The following FAM161B variants were observed in gnomAD, a reference collection of about 807,000 sequenced individuals.
FAM161B encodes the protein FAM161 centrosomal protein B, also known as protein FAM161B.
In FAM161B, 46 loss-of-function variants were observed where a neutral mutation model predicts 61.5. The observed-to-expected ratio is 0.75, with a 90% confidence interval of 0.59 to 0.96. The LOEUF is 0.96. Ranked by LOEUF, FAM161B falls within the 40% of genes least tolerant of loss-of-function variation. The pLI is 0.00. For missense variants in FAM161B, 774 were observed against 800.7 expected (o/e 0.97, Z 0.40); for synonymous variants, 284 against 302.7 (o/e 0.94, Z 0.64).
At chr14:73,925,340 G>T in the FAM161B span, among the ~76,000 whole-genome samples, 2 of 151,900 alleles carry the variant, frequency 1.3e-5, no homozygotes, top group Non-Finnish European at 2.9e-5. Flanking sequence ...GAAATTTTCA[G>T]AGTACAGTGA....
At position 73,946,546 on chromosome 14, in the gene FAM161B, C is replaced by A. The variant is rs767058822; in HGVS notation, c.114G>T (p.Gly38=). The part of the protein sequence containing the change: ...TEAGEELSGD[G]LVLPRASKLD... ...GTTTGCTGGCCCTGGGCAAAACCAG[C>A]CCATCCCCGGACAGCTCCTCTCCTG... Residue 38 remains glycine, a synonymous_variant, in exon 2 of 9, where the codon GGG becomes GGT. Coordinates refer to ENST00000286544, the MANE Select transcript of FAM161B (RefSeq NM_152445.3). The A allele has an allele frequency of 6.2e-7, 1 of 1,614,174 alleles. No individual in the cohort carries two copies. Among genetic ancestry groups the A allele is most frequent in the South Asian group, 1.1e-5 (1 of 91,084 alleles).
downstream of FAM161B, chr14:73,931,974 A>G: frequency 2.2e-6 from 1 of 456,716 alleles, no homozygotes; most frequent in Non-Finnish European, 4.4e-6. Context: ...TGAGTTTTCA[A>G]GATGCCTTGT....
chr14:73,936,935 AC>A (rs1394268119), intron 7 of FAM161B, among the ~76,000 whole-genome samples: 1 of 152,200 alleles, frequency 6.6e-6, no homozygotes, highest in Non-Finnish European at 1.5e-5. Flanking sequence ...TTACATCCTT[AC>A]GGAGATCTCA....
At chr14:73,930,813 T>G (rs2055900948), downstream of FAM161B, among the ~76,000 whole-genome samples, 1 of 151,756 alleles carries the variant, frequency 6.6e-6, no homozygotes, top group African/African-American at 2.4e-5. Context: ...GTTGCCCAAG[T>G]GGGTCTCAAA....
intron 5 of FAM161B, among the ~76,000 whole-genome samples, chr14:73,938,530 T>C (rs568909253): frequency 9.9e-5 from 15 of 151,982 alleles, no homozygotes; most frequent in African/African-American, 3.1e-4. Context: ...CCCAGCACTT[T>C]GGGAGGCCGA....
In FAM161B at chr14:73,946,393, A is replaced by C. The variant is rs200939257; in HGVS notation, c.267T>G (p.Ser89=). The change falls in exon 2 of 9, where the codon TCT becomes TCG. Residue 89 remains serine (S), a synonymous_variant. Transcript: ENST00000286544. ...AGAGGTTTTCATCACTCTCTGGGTC[A>C]GACTGAAAGAGAGACTCCAACAGAC... ...RWCLLESLFQ[S]DPESDENLSE... is the part of the protein sequence containing the mutation. 1 of 1,614,184 alleles carries C rather than the reference A, an allele frequency of 6.2e-7. No homozygotes were observed. Among genetic ancestry groups the C allele is most frequent in the Non-Finnish European group, 8.5e-7 (1 of 1,180,030 alleles).
At chr14:73,924,303 G>T in the FAM161B span, among the ~76,000 whole-genome samples, 2 of 152,168 alleles carry the variant, frequency 1.3e-5, no homozygotes. Context: ...GATCTGACAG[G>T]AGAGGTGGAG....
chr14:73,938,800 A>T (rs1439781717), intron 5 of FAM161B, among the ~76,000 whole-genome samples: 1 of 152,116 alleles, frequency 6.6e-6, no homozygotes, highest in Admixed American at 6.6e-5. Flanking sequence ...AATAAATAAA[A>T]TAAAGCAATC....
chr14:73,924,711 C>G, the FAM161B span: 2 of 445,178 alleles, frequency 4.5e-6, no homozygotes, highest in Non-Finnish European at 8.9e-6. Flanking sequence ...GAGTCTCGCT[C>G]CGTTGCCCAG....
Position 73,944,877 on chromosome 14 carries a change from G to A in FAM161B, c.383C>T (p.Ser128Phe), listed in dbSNP as rs768918537. 89 of 1,512,952 alleles carry A rather than the reference G, an allele frequency of 5.9e-5. No homozygotes were observed. Among genetic ancestry groups the A allele is most frequent in the Non-Finnish European group, 7.0e-5 (79 of 1,132,272 alleles). The allele number at this position is 1,512,952 out of a possible 1,614,324, so 93.7% of individuals were successfully genotyped here. Residue 128 changes from serine to phenylalanine, a missense_variant, in exon 3 of 9, where the codon TCC becomes TTC. By Grantham distance (155) the Ser-to-Phe change is radical. Transcript: ENST00000286544. Reference sequence around the variant, plus strand: ...GTTCAGGGAGCTGCAGCGCCTTGTGGAGCCACACCTGGGAAAAAAGCAGAT... The same window carrying A: ...GTTCAGGGAGCTGCAGCGCCTTGTGAAGCCACACCTGGGAAAAAAGCAGAT... Reference protein sequence around the residue: ...VQCPQALRCGSTRRCSSLNNL... With the variant: ...VQCPQALRCGFTRRCSSLNNL...
At chr14:73,941,894 T>G (rs569581193) in intron 4 of FAM161B, among the ~76,000 whole-genome samples, 1 of 152,256 alleles carries the variant, frequency 6.6e-6, no homozygotes, top group South Asian at 2.1e-4. Flanking sequence ...TTAGTAGAGA[T>G]GGGGTTTTGC....
At chr14:73,928,610 C>T (rs1044824314), downstream of FAM161B, among the ~76,000 whole-genome samples, 25 of 152,080 alleles carry the variant, frequency 1.6e-4, no homozygotes, top group African/African-American at 6.0e-4. Flanking sequence ...AGGTGCTGCC[C>T]ACTTACAGCC....
chr14:73,931,685 G>A (rs1379584954), downstream of FAM161B: 2 of 716,508 alleles, frequency 2.8e-6, no homozygotes, highest in Non-Finnish European at 4.8e-6. Flanking sequence ...CTCTTTCCTG[G>A]TATAGAAGAT....
Position 73,942,691 on chromosome 14 carries a change from C to A in FAM161B, c.950G>T (p.Arg317Leu). ...CATGTCCAGGGCTCTCATTTGGATG[C>A]GAATTTTCCTGAAGAGCTCAGCTTC... ...LQEAELFRKI[R>L]IQMRALDMLQ... The change falls in exon 4 of 9, where the codon CGC (arginine) becomes CTC (leucine). Residue 317 changes from arginine to leucine, a missense_variant. By Grantham distance (102) the Arg-to-Leu change is moderately radical. Coordinates refer to ENST00000286544, the MANE Select transcript of FAM161B (RefSeq NM_152445.3). 1 of 1,613,306 alleles carries A rather than the reference C, an allele frequency of 6.2e-7. No individual in the cohort carries two copies.
At chr14:73,937,918 C>T (rs751222703) in intron 6 of FAM161B, 30 bp downstream of exon 6, 24 of 1,612,180 alleles carry the variant, frequency 1.5e-5, no homozygotes, top group Non-Finnish European at 2.0e-5. Context: ...CCAAGGCAAG[C>T]ACCCCTTTTG....
At chr14:73,942,214 T>C (rs1187355699) in intron 4 of FAM161B, among the ~76,000 whole-genome samples, 155 bp downstream of exon 4, 1 of 152,176 alleles carries the variant, frequency 6.6e-6, no homozygotes, top group African/African-American at 2.4e-5. Flanking sequence ...GGCTGTGGTC[T>C]GGAGTTTATA....
the FAM161B span, chr14:73,922,959 T>A: frequency 6.5e-6 from 1 of 152,736 alleles, no homozygotes; most frequent in African/African-American, 2.4e-5. Context: ...ATAAACTATT[T>A]CCAGAAGATT....
chr14:73,928,634 A>G (rs1594770618), downstream of FAM161B, among the ~76,000 whole-genome samples: 2 of 152,308 alleles, frequency 1.3e-5, no homozygotes, highest in Non-Finnish European at 1.5e-5. Flanking sequence ...GGGAGACAGC[A>G]TAACACAGGC....
chr14:73,942,804 T>A, intron 3 of FAM161B, 89 bp from the exon 4 acceptor site: 2 of 1,197,986 alleles, frequency 1.7e-6, no homozygotes, highest in Non-Finnish European at 2.3e-6. Context: ...ACACTAGCTG[T>A]AAGTGTTACT....
Sources: gnomAD v4.1 joint callset for allele counts (sites outside exome capture counted in the v4.1 genomes callset) on GRCh38, gnomAD v4.1.1 for gene constraint, MANE v1.5 for transcripts, NCBI Gene and HGNC (gene_info 2026-07-23, HGNC 2026-07-21) for gene names.